The following SHROOM3 variants were observed in gnomAD, a reference collection of about 807,000 sequenced individuals.
SHROOM3 encodes the protein protein Shroom3.
Under a neutral mutation model 138.6 loss-of-function variants are expected in SHROOM3, and 47 were observed. The ratio of observed to expected loss-of-function variants is 0.34; its 90% CI spans 0.27 to 0.43. The LOEUF is 0.43. SHROOM3 is among the 20% of genes least tolerant of loss of function. The pLI is 1.00. For missense variants in SHROOM3, 2,491 were observed against 2,596.5 expected, an observed-to-expected ratio of 0.96 and a Z score of 0.88; for synonymous variants, 1,062 against 1,063.3, an observed-to-expected ratio of 1.00 and a Z score of 0.02.
chr4:76,553,284 T>A (rs1733403502), intron 1 of SHROOM3, among the ~76,000 whole-genome samples: 1 of 152,116 alleles, frequency 6.6e-6, no homozygotes, highest in African/African-American at 2.4e-5. Flanking sequence ...TTTATTTATT[T>A]ATTTTTTTTG....
chr4:76,756,648 A>G lies in SHROOM3; in HGVS notation c.4909A>G (p.Thr1637Ala). The G allele has an allele frequency of 6.2e-7, 1 of 1,612,844 alleles. No homozygotes were observed. Among genetic ancestry groups the G allele is most frequent in the Non-Finnish European group, 8.5e-7 (1 of 1,179,732 alleles). The change falls in exon 8 of 11, where the codon ACT becomes GCT. Residue 1637 changes from threonine to alanine, a missense_variant. Transcript: ENST00000296043. The stretch of plus-strand genomic sequence containing the variant: ...TGGTGGGCAGCCAGCACCCATCCAG[A>G]CTCAAAGCCTCAGCCATGATCCAGT... ...SLGGQPAPIQ[T>A]QSLSHDPVSG... is the part of the protein sequence containing the mutation.
At chr4:76,521,458 A>G (rs1015416830) in intron 1 of SHROOM3, among the ~76,000 whole-genome samples, 1 of 152,254 alleles carries the variant, frequency 6.6e-6, no homozygotes, top group Non-Finnish European at 1.5e-5. Flanking sequence ...TATGGCATTC[A>G]AGTCAGTAAG....
intron 10 of SHROOM3, among the ~76,000 whole-genome samples, chr4:76,771,180 C>T (rs570503782): frequency 1.3e-5 from 2 of 152,200 alleles, no homozygotes; most frequent in Admixed American, 1.3e-4. Context: ...GCCTGGCCAA[C>T]ATGGTGAACC....
rs1722683620 is a variant in SHROOM3 at position 76,779,737 on chromosome 4, T to G, written c.*560T>G. On this transcript the variant is annotated 3_prime_UTR_variant, in exon 11 of 11. Transcript: ENST00000296043. ...CTGTTTTGTGGTGGACATAGATGATTACGTTTGAGCTTTGTATTTTGTGAA... is the reference window on the plus strand; with the variant it reads ...CTGTTTTGTGGTGGACATAGATGATGACGTTTGAGCTTTGTATTTTGTGAA... 6.5e-6 allele frequency: 1 copy of G among 153,262 alleles called. No individual in the cohort carries two copies. The highest frequency in any genetic ancestry group is 2.4e-5 in the African/African-American group (1 of 41,474). 9.5% of individuals were successfully genotyped at this position (153,262 alleles called of 1,614,324 possible).
chr4:76,543,790 C>A (rs900948065), intron 1 of SHROOM3, among the ~76,000 whole-genome samples: 16 of 152,184 alleles, frequency 1.1e-4, no homozygotes, highest in Non-Finnish European at 4.4e-5. Context: ...AGTGGCCCAG[C>A]CTAGAACTCA....
At chr4:76,701,700 T>C (rs1336441479) in intron 2 of SHROOM3, among the ~76,000 whole-genome samples, 1 of 152,082 alleles carries the variant, frequency 6.6e-6, no homozygotes, top group Non-Finnish European at 1.5e-5. Context: ...TTTCAGGAGG[T>C]ATTTGTCTCT....
intron 4 of SHROOM3, among the ~76,000 whole-genome samples, chr4:76,735,261 G>C (rs1721000285): frequency 6.6e-6 from 1 of 152,136 alleles, no homozygotes; most frequent in Non-Finnish European, 1.5e-5. Context: ...GTGCCATTTT[G>C]GTGGCATCAA....
chr4:76,629,413 G>A lies in SHROOM3; in HGVS notation c.323+73650G>A, dbSNP rs775903664. Among the ~76,000 whole-genome samples the A allele has an allele frequency of 5.9e-5, 9 of 152,328 alleles. No homozygotes were observed. The East Asian group carries it at 7.7e-4, about 13-fold the overall frequency. ...TGGATCATATGGGGACTTGCAGCCC[G>A]TTGTAAGGACTTGCTTTTATTCTGG... On this transcript the variant is annotated intron_variant, in intron 2 of 10. Coordinates refer to ENST00000296043, the MANE Select transcript of SHROOM3 (RefSeq NM_020859.4).
chr4:76,490,275 C>T (rs1377585662), intron 1 of SHROOM3, among the ~76,000 whole-genome samples: 1 of 152,180 alleles, frequency 6.6e-6, no homozygotes, highest in South Asian at 2.1e-4. Flanking sequence ...AGCAACCATT[C>T]AGAGGCTGGA....
At chr4:76,457,775 C>A (rs1731058776) in intron 1 of SHROOM3, among the ~76,000 whole-genome samples, 1 of 151,584 alleles carries the variant, frequency 6.6e-6, no homozygotes, top group South Asian at 2.1e-4. Context: ...CAGGCGTGAG[C>A]CACCGAGCCT....
chr4:76,626,822 T>G (rs1284313847), intron 2 of SHROOM3, among the ~76,000 whole-genome samples: 1 of 152,210 alleles, frequency 6.6e-6, no homozygotes, highest in Non-Finnish European at 1.5e-5. Context: ...ATATTTCTCT[T>G]CCTCAATTAA....
chr4:76,699,088 A>G (rs997447622), intron 2 of SHROOM3, among the ~76,000 whole-genome samples: 1 of 152,202 alleles, frequency 6.6e-6, no homozygotes. Context: ...TGCAGTGGTT[A>G]TTAAGCCACA....
At chr4:76,500,932 T>A (rs765013309) in intron 1 of SHROOM3, among the ~76,000 whole-genome samples, 16 of 152,048 alleles carry the variant, frequency 1.1e-4, no homozygotes, top group Non-Finnish European at 2.1e-4. Flanking sequence ...TCAGCCTCCA[T>A]AGTAGTTGGG....
At chr4:76,696,231 C>T (rs1171021777) in intron 2 of SHROOM3, among the ~76,000 whole-genome samples, 1 of 152,228 alleles carries the variant, frequency 6.6e-6, no homozygotes, top group Non-Finnish European at 1.5e-5. Context: ...AATAGACGCA[C>T]ATGGTTGAAG....
chr4:76,546,666 C>T (rs10020050), intron 1 of SHROOM3, among the ~76,000 whole-genome samples: 79,860 of 151,964 alleles, frequency 0.53, 21,291 homozygotes, highest in African/African-American at 0.56. Flanking sequence ...TGTTATCCAC[C>T]TACCTTTTTA....
At chr4:76,605,296 G>T (rs1340928843) in intron 2 of SHROOM3, among the ~76,000 whole-genome samples, 4 of 152,102 alleles carry the variant, frequency 2.6e-5, no homozygotes, top group Admixed American at 1.3e-4. Context: ...GATTTGCCCG[G>T]GAAATACCTA....
intron 2 of SHROOM3, among the ~76,000 whole-genome samples, chr4:76,560,261 C>A (rs1446900195): frequency 1.3e-5 from 2 of 152,122 alleles, no homozygotes; most frequent in East Asian, 3.9e-4. Flanking sequence ...AATTTATCAT[C>A]CCTGAGGGTA....
chr4:76,590,374 C>T (rs1414143751), intron 2 of SHROOM3, among the ~76,000 whole-genome samples: 5 of 152,072 alleles, frequency 3.3e-5, no homozygotes, highest in East Asian at 1.9e-4. Context: ...GCATTGCCTC[C>T]GAAGGTATTT....
chr4:76,528,118 T>C (rs1281364181), intron 1 of SHROOM3, among the ~76,000 whole-genome samples: 2 of 152,208 alleles, frequency 1.3e-5, no homozygotes, highest in African/African-American at 2.4e-5. Flanking sequence ...AGTGAATTAA[T>C]TTACACTGAA....
Sources: allele counts gnomAD v4.1 joint callset (sites outside exome capture counted in the v4.1 genomes callset), GRCh38; gene constraint gnomAD v4.1.1; transcripts MANE v1.5; gene names NCBI Gene and HGNC (gene_info 2026-07-23, HGNC 2026-07-21).